Variants in CHD7 observed in about 807,000 individuals in gnomAD.
CHD7 encodes ATP-dependent chromatin remodeler CHD7.
Under a neutral mutation model 307.3 loss-of-function variants are expected in CHD7, and 24 were observed. That is an observed-to-expected ratio of 0.08 (90% CI 0.06 to 0.11). CHD7 has a LOEUF of 0.11. CHD7 is among the 10% of genes least tolerant of loss of function. The pLI, the probability that CHD7 is intolerant of heterozygous loss-of-function variation, is 1.00. For synonymous variants in CHD7, 1,363 were observed against 1,349.9 expected, an observed-to-expected ratio of 1.01 and a Z score of -0.21; for missense variants, 3,106 against 3,727.1, an observed-to-expected ratio of 0.83 and a Z score of 4.34.
chr8:60,712,550 T>C (rs774832717), intron 1 of CHD7, among the ~76,000 whole-genome samples: 8 of 152,308 alleles, frequency 5.3e-5, no homozygotes, highest in South Asian at 2.1e-4. Flanking sequence ...GTGTTTCCCA[T>C]GTCCTGTATT....
intron 1 of CHD7, among the ~76,000 whole-genome samples, chr8:60,680,397 G>T: frequency 1.4e-5 from 1 of 69,350 alleles, no homozygotes; most frequent in African/African-American, 6.6e-5. Context: ...TGTCGAGGTC[G>T]CGGGGGGGGG....
intron 3 of CHD7, among the ~76,000 whole-genome samples, chr8:60,790,994 G>A (rs1811748580): frequency 6.6e-6 from 1 of 152,130 alleles, no homozygotes; most frequent in African/African-American, 2.4e-5. Flanking sequence ...AGATACATGT[G>A]TGTTTTGGGG....
At chr8:60,849,019 T>C (rs1805331677) in intron 24 of CHD7, 32 bp from the exon 25 acceptor site, 1 of 1,511,008 alleles carries the variant, frequency 6.6e-7, no homozygotes, top group African/African-American at 1.4e-5. Context: ...TCTTTTTTAA[T>C]ACTAATATTT....
chr8:60,787,651 T>C (rs1458585446), intron 3 of CHD7, among the ~76,000 whole-genome samples: 1 of 152,078 alleles, frequency 6.6e-6, no homozygotes. Flanking sequence ...AACAATATAA[T>C]TTTGTGGGAG....
intron 3 of CHD7, among the ~76,000 whole-genome samples, chr8:60,790,939 A>G (rs956982465): frequency 6.6e-6 from 1 of 152,140 alleles, no homozygotes; most frequent in Admixed American, 6.5e-5. Context: ...GTGTCCGCGC[A>G]GGGTCTTGCA....
chr8:60,799,370 A>T (rs967108618), intron 4 of CHD7, among the ~76,000 whole-genome samples: 1 of 152,236 alleles, frequency 6.6e-6, no homozygotes, highest in African/African-American at 2.4e-5. Context: ...GATTGTGAGA[A>T]TACCCAGTTT....
Position 60,822,579 on chromosome 8 carries a change from T to C in CHD7, c.3034T>C (p.Leu1012=), listed in dbSNP as rs1804095168. 6.2e-7 allele frequency: 1 copy of C among 1,613,714 alleles called. No homozygotes were observed. Among genetic ancestry groups the C allele is most frequent in the Non-Finnish European group, 8.5e-7 (1 of 1,179,722 alleles). ...QSITFLYEIY[L]KGIHGPFLVI... is the part of the protein sequence containing the mutation. ...CATTACATTTCTCTATGAGATATAT[T>C]TGAAAGGAATCCATGGCCCTTTTTT... Residue 1012 remains leucine, a synonymous_variant, in exon 12 of 38, where the codon TTG becomes CTG. Coordinates refer to ENST00000423902, the MANE Select transcript of CHD7 (RefSeq NM_017780.4).
chr8:60,697,812 C>T (rs544753590), intron 1 of CHD7, among the ~76,000 whole-genome samples: 2 of 152,340 alleles, frequency 1.3e-5, no homozygotes, highest in East Asian at 3.9e-4. Flanking sequence ...TATGTCCCAG[C>T]TATGTATATC....
At chr8:60,709,980 CTTTTA>C in intron 1 of CHD7, among the ~76,000 whole-genome samples, 1 of 151,868 alleles carries the variant, frequency 6.6e-6, no homozygotes, top group Non-Finnish European at 1.5e-5. Context: ...GCTGGGAATA[CTTTTA>C]TTTTTTTAAA....
intron 2 of CHD7, among the ~76,000 whole-genome samples, chr8:60,770,578 T>C (rs1810660812): frequency 6.6e-6 from 1 of 152,238 alleles, no homozygotes; most frequent in South Asian, 2.1e-4. Context: ...GCAAACTTTC[T>C]TTCCAAGTAA....
chr8:60,845,567 G>C (rs1008043097), intron 23 of CHD7, among the ~76,000 whole-genome samples, 158 bp downstream of exon 23: 5 of 152,304 alleles, frequency 3.3e-5, no homozygotes, highest in Admixed American at 3.3e-4. Context: ...TCTGAGGGGG[G>C]TCCTGGAACC....
chr8:60,689,878 G>C (rs978802386), intron 1 of CHD7, among the ~76,000 whole-genome samples: 11 of 152,204 alleles, frequency 7.2e-5, no homozygotes, highest in Admixed American at 2.0e-4. Flanking sequence ...CTTCCTCAAA[G>C]TTTCTCTCAG....
At chr8:60,831,739 A>G (rs568903279) in intron 15 of CHD7, among the ~76,000 whole-genome samples, 1 of 152,252 alleles carries the variant, frequency 6.6e-6, no homozygotes, top group South Asian at 2.1e-4. Flanking sequence ...GGAGACTTGT[A>G]CACGATGATA....
intron 7 of CHD7, among the ~76,000 whole-genome samples, chr8:60,814,131 T>A (rs974210802): frequency 6.6e-6 from 1 of 152,228 alleles, no homozygotes. Flanking sequence ...TAATTATCTA[T>A]TCAGACAAAG....
At chr8:60,735,186 T>G (rs1218020238) in intron 1 of CHD7, among the ~76,000 whole-genome samples, 2 of 152,226 alleles carry the variant, frequency 1.3e-5, no homozygotes, top group Non-Finnish European at 2.9e-5. Context: ...TGAATATTTT[T>G]TAAATGAATG....
chr8:60,825,278 A>G (rs1450770915), intron 13 of CHD7: 3 of 152,232 alleles, frequency 2.0e-5, no homozygotes, highest in Non-Finnish European at 4.4e-5. Flanking sequence ...ATTGCCAGCT[A>G]TGCTTTTAGT....
chr8:60,795,030 TCAA>T lies in CHD7; in HGVS notation c.2145_2147del (p.Asn715del), dbSNP rs1356653600. 2.5e-6 allele frequency: 4 copies of T among 1,613,460 alleles called. No homozygotes were observed. Among genetic ancestry groups the T allele is most frequent in the Non-Finnish European group, 3.4e-6 (4 of 1,179,702 alleles). On this transcript the variant is annotated inframe_deletion, in exon 4 of 38. Coordinates refer to ENST00000423902, the MANE Select transcript of CHD7 (RefSeq NM_017780.4). The stretch of plus-strand genomic sequence containing the variant: ...GAAGCAAGTGCTTTGAAGAAAAAGG[TCAA>T]CAAGGGAAAAACAGAAGGTTCTGAA...
At chr8:60,798,849 T>C (rs1812158014) in intron 4 of CHD7, among the ~76,000 whole-genome samples, 1 of 152,228 alleles carries the variant, frequency 6.6e-6, no homozygotes, top group South Asian at 2.1e-4. Context: ...CATATATGAA[T>C]AAAAAGGTTA....
intron 7 of CHD7, among the ~76,000 whole-genome samples, chr8:60,809,962 T>TA (rs1430533897): frequency 6.6e-6 from 1 of 152,210 alleles, no homozygotes; most frequent in African/African-American, 2.4e-5. Context: ...GTTGGGTTTT[T>TA]ACCGTAAGGA....
Sources: allele counts gnomAD v4.1 joint callset (sites outside exome capture counted in the v4.1 genomes callset), GRCh38; gene constraint gnomAD v4.1.1; transcripts MANE v1.5; gene names NCBI Gene and HGNC (gene_info 2026-07-23, HGNC 2026-07-21).